Variants in PARD3 observed in about 807,000 individuals in gnomAD.
PARD3 encodes par-3 family cell polarity regulator, also known as partitioning defective 3 homolog.
PARD3 carries 75 observed loss-of-function variants against 155.4 expected under a neutral mutation model. The observed-to-expected ratio is 0.48, with a 90% CI of 0.40 to 0.58. The LOEUF is 0.58. Among genes scored for constraint, PARD3 ranks in the 20% least tolerant of loss-of-function variants. The probability of loss-of-function intolerance (pLI) is 0.00; values close to 1 mark genes in which losing one functional copy is unlikely to be tolerated. For synonymous variants in PARD3, 576 were observed against 610.5 expected, an observed-to-expected ratio of 0.94 and a Z score of 0.83; for missense variants, 1,642 against 1,721.7, an observed-to-expected ratio of 0.95 and a Z score of 0.82.
chr10:34,206,896 A>G lies in PARD3; in HGVS notation c.3419+62761T>C, dbSNP rs560905794. On this transcript the variant is annotated intron_variant, in intron 22 of 24. Transcript: ENST00000374788. The stretch of plus-strand genomic sequence containing the variant: ...GGAGTAAAGTCTCACCTCCTACCTC[A>G]CTACTAGATCGAGGTCTTGTCCCAT... Among the ~76,000 whole-genome samples the G allele has an allele frequency of 3.7e-4, 56 of 152,218 alleles. 1 individual carries two copies. The highest frequency in any genetic ancestry group is 1.2e-3 in the Admixed American group (19 of 15,296).
intron 5 of PARD3, among the ~76,000 whole-genome samples, chr10:34,431,334 AG>A (rs1203153774): frequency 6.6e-6 from 1 of 152,226 alleles, no homozygotes; most frequent in African/African-American, 2.4e-5. Flanking sequence ...TGAAGTCAGA[AG>A]GAACAGAATT....
At chr10:34,579,142 C>T (rs550619258) in intron 2 of PARD3, among the ~76,000 whole-genome samples, 5 of 152,050 alleles carry the variant, frequency 3.3e-5, no homozygotes, top group South Asian at 4.1e-4. Context: ...TGGTGGCGTG[C>T]GCCTGTAATC....
chr10:34,138,885 T>G (rs938588188), intron 22 of PARD3, among the ~76,000 whole-genome samples: 3 of 150,582 alleles, frequency 2.0e-5, no homozygotes, highest in African/African-American at 7.3e-5. Context: ...ATTATTCTTT[T>G]CCCAATTAAA....
Position 34,684,822 on chromosome 10 carries a change from C to T in PARD3, c.222+11496G>A, listed in dbSNP as rs11009867. On this transcript the variant is annotated intron_variant, in intron 2 of 24. Transcript: ENST00000374788. ...ACACACACACACACACACACACACA[C>T]ACACACACATATATACACACACACA... 3.5e-3 allele frequency among the ~76,000 whole-genome samples: 381 copies of T among 109,774 alleles called. 2 individuals are homozygous for T. Among genetic ancestry groups the T allele is most frequent in the African/African-American group, 0.011 (263 of 23,870 alleles). 72.0% of individuals were successfully genotyped at this position (109,774 alleles called of 152,430 possible). A position where few individuals can be genotyped will look rare whatever the true frequency, so the allele number is the denominator to read the frequency against.
intron 22 of PARD3, among the ~76,000 whole-genome samples, chr10:34,163,005 T>C (rs73266857): frequency 0.072 from 10,900 of 152,238 alleles, 1,011 homozygotes; most frequent in East Asian, 0.3. Context: ...GAATGCTCTA[T>C]ACATATAGGT....
intron 1 of PARD3, among the ~76,000 whole-genome samples, chr10:34,779,127 A>G (rs1839938298): frequency 6.6e-6 from 1 of 151,244 alleles, no homozygotes; most frequent in South Asian, 2.1e-4. Context: ...CCTGGCCAAC[A>G]TGGCGAAACC....
chr10:34,328,642 C>G (rs1835296647), intron 19 of PARD3, among the ~76,000 whole-genome samples: 1 of 152,128 alleles, frequency 6.6e-6, no homozygotes. Context: ...CACAACACAC[C>G]AGTTGAAAGT....
At position 34,506,885 on chromosome 10, in the gene PARD3, T is replaced by C. The variant is rs79343526; in HGVS notation, c.403+10094A>G. Among the ~76,000 whole-genome samples, 458 of 152,342 alleles carry C rather than the reference T, an allele frequency of 3.0e-3. 8 individuals carry two copies. Among genetic ancestry groups the C allele is most frequent in the East Asian group, 0.028 (143 of 5,188 alleles). ...AGATTTTATTGGTGTTATTTAAATA[T>C]AGTTCTCTGGAACACACAAGTTGAT... On this transcript the variant is annotated intron_variant, in intron 3 of 24. Transcript: ENST00000374788.
chr10:34,491,231 A>T (rs1395910247), intron 3 of PARD3, among the ~76,000 whole-genome samples: 1 of 152,170 alleles, frequency 6.6e-6, no homozygotes. Context: ...TCTCTCTGAA[A>T]TTTTTTTAGT....
chr10:34,370,328 G>C (rs1004232955), intron 12 of PARD3, among the ~76,000 whole-genome samples: 3 of 152,140 alleles, frequency 2.0e-5, no homozygotes, highest in African/African-American at 7.2e-5. Flanking sequence ...AATGCAGCTT[G>C]CATTTCTTAA....
At chr10:34,787,167 G>T (rs894229927) in intron 1 of PARD3, among the ~76,000 whole-genome samples, 1 of 152,136 alleles carries the variant, frequency 6.6e-6, no homozygotes, top group Non-Finnish European at 1.5e-5. Context: ...AGATCACGAG[G>T]TCAGGAGTTG....
rs1842125786 is a variant in PARD3 at position 34,384,232 on chromosome 10, G to A, written c.913C>T (p.Arg305Ter). Residue 305 changes from arginine to a stop codon, truncating the protein, a stop_gained, in exon 8 of 25, where the codon CGA becomes TGA. Transcript: ENST00000374788. LOFTEE classifies it high-confidence loss of function. ...GGRTLGLLVK[R>*]LEKGGKAEHE... ...TCAGCTTTACCACCTTTCTCCAATC[G>A]TTTTACTAATAACCCCAGGGTTCTG... 4 of 1,613,338 alleles carry A rather than the reference G, an allele frequency of 2.5e-6. No individual in the cohort carries two copies. Among genetic ancestry groups the A allele is most frequent in the South Asian group, 1.1e-5 (1 of 91,038 alleles).
At chr10:34,312,857 A>T (rs1957778992) in intron 20 of PARD3, among the ~76,000 whole-genome samples, 2 of 152,192 alleles carry the variant, frequency 1.3e-5, no homozygotes, top group Admixed American at 6.5e-5. Flanking sequence ...TCAAACGATA[A>T]CAGTTCCAAT....
At chr10:34,226,504 C>T (rs1484833486) in intron 22 of PARD3, among the ~76,000 whole-genome samples, 1 of 152,144 alleles carries the variant, frequency 6.6e-6, no homozygotes, top group Non-Finnish European at 1.5e-5. Context: ...GAGCCAAGAT[C>T]GCACCACTGC....
rs181861573 is a variant in PARD3 at position 34,557,812 on chromosome 10, T to C, written c.223-40653A>G. On this transcript the variant is annotated intron_variant, in intron 2 of 24. Coordinates refer to ENST00000374788, the MANE Select transcript of PARD3 (RefSeq NM_001184785.2). Reference sequence around the variant, plus strand: ...AGCTAGGTGTGGTGGTATACATCTATAGTCCCAGCTACTTGGGAGGCTAAG... The same window carrying C: ...AGCTAGGTGTGGTGGTATACATCTACAGTCCCAGCTACTTGGGAGGCTAAG... 2.5e-3 allele frequency among the ~76,000 whole-genome samples: 373 copies of C among 151,952 alleles called. 1 individual carries two copies. The highest frequency in any genetic ancestry group is 6.8e-3 in the Middle Eastern group (2 of 294).
At chr10:34,699,305 A>G (rs966924017) in intron 1 of PARD3, among the ~76,000 whole-genome samples, 3 of 150,844 alleles carry the variant, frequency 2.0e-5, no homozygotes, top group Admixed American at 6.7e-5. Context: ...CAGTAACCCC[A>G]ACAGAGCATG....
intron 2 of PARD3, among the ~76,000 whole-genome samples, chr10:34,543,159 T>G (rs1054228752): frequency 2.0e-5 from 3 of 151,830 alleles, no homozygotes; most frequent in Non-Finnish European, 4.4e-5. Context: ...GGGTCCCAGC[T>G]ACTCAGGAGG....
intron 4 of PARD3, among the ~76,000 whole-genome samples, chr10:34,465,106 T>A (rs2077924814): frequency 6.6e-6 from 1 of 152,212 alleles, no homozygotes; most frequent in Non-Finnish European, 1.5e-5. Context: ...TTATTCTGCA[T>A]TATATAGGAA....
At chr10:34,747,117 G>A (rs1049092955) in intron 1 of PARD3, among the ~76,000 whole-genome samples, 9 of 152,170 alleles carry the variant, frequency 5.9e-5, no homozygotes, top group Admixed American at 1.3e-4. Flanking sequence ...ACTGGCTTCT[G>A]CTAAGATTAT....
Sources: gnomAD v4.1 joint callset for allele counts (sites outside exome capture counted in the v4.1 genomes callset) on GRCh38, gnomAD v4.1.1 for gene constraint, MANE v1.5 for transcripts, NCBI Gene and HGNC (gene_info 2026-07-23, HGNC 2026-07-21) for gene names.